The following ABHD12 variants were observed in gnomAD, a reference collection of about 807,000 sequenced individuals.
The protein encoded by ABHD12 is lysophosphatidylserine lipase ABHD12.
In ABHD12, 43 loss-of-function variants were observed where a neutral mutation model predicts 58.3. That is an observed-to-expected ratio of 0.74 (90% CI 0.58 to 0.95). The LOEUF is 0.95. Ranked by LOEUF, ABHD12 falls within the 40% of genes least tolerant of loss-of-function variation. The pLI is 0.00. For synonymous variants in ABHD12, 219 were observed against 211.2 expected (o/e 1.04, Z -0.32); for missense variants, 539 against 537.2 (o/e 1.00, Z -0.03).
intron 1 of ABHD12, among the ~76,000 whole-genome samples, chr20:25,365,052 CGTGA>C (rs777403123): frequency 3.5e-4 from 54 of 152,318 alleles, no homozygotes; most frequent in Admixed American, 3.3e-4. Context: ...ACCTATGCAA[CGTGA>C]GTAAGGCCTC....
intron 2 of ABHD12, among the ~76,000 whole-genome samples, chr20:25,324,425 G>A (rs2089138262): frequency 6.6e-6 from 1 of 152,132 alleles, no homozygotes; most frequent in Admixed American, 6.6e-5. Context: ...TTTAAAATAA[G>A]TTTAACTGAA....
intron 1 of ABHD12, among the ~76,000 whole-genome samples, chr20:25,386,096 G>A (rs147484172): frequency 0.034 from 5,190 of 150,872 alleles, 253 homozygotes; most frequent in African/African-American, 0.12. Flanking sequence ...GCGAGACTCC[G>A]TCTCAAAAAA....
At chr20:25,339,526 CAT>C in intron 1 of ABHD12, 175 bp from the exon 2 acceptor site, 1 of 1,391,560 alleles carries the variant, frequency 7.2e-7, no homozygotes. Flanking sequence ...AATTATTTTA[CAT>C]AGTCTTTTAA....
intron 2 of ABHD12, among the ~76,000 whole-genome samples, chr20:25,337,287 A>G (rs564823622): frequency 7.2e-5 from 11 of 152,244 alleles, no homozygotes; most frequent in Non-Finnish European, 1.5e-4. Flanking sequence ...AAACAACAAA[A>G]CAAAATGCCA....
At chr20:25,329,258 C>T (rs901591201) in intron 2 of ABHD12, among the ~76,000 whole-genome samples, 47 of 152,332 alleles carry the variant, frequency 3.1e-4, no homozygotes, top group African/African-American at 1.1e-3. Context: ...GTGGCCTGGG[C>T]GGTGCGCCCC....
chr20:25,320,699 T>A (rs1465578014), intron 3 of ABHD12, among the ~76,000 whole-genome samples: 3 of 152,246 alleles, frequency 2.0e-5, no homozygotes, highest in Non-Finnish European at 2.9e-5. Context: ...GTTAACCCCA[T>A]GCTTAAATTG....
chr20:25,302,277 C>G lies in ABHD12; in HGVS notation c.1099G>C (p.Asp367His), dbSNP rs747382300. Residue 367 changes from aspartate (D) to histidine (H), a missense_variant, in exon 12 of 13, where the codon GAC becomes CAC. By Grantham distance (81) the Asp-to-His change is moderately conservative. Transcript: ENST00000339157. The stretch of plus-strand genomic sequence containing the variant: ...ATGTATTTGTGCCTGTAGCCAAGGT[C>G]TGAATGAAAGGGCACAAACTGAACT... Reference protein sequence around the residue: ...FKVQFVPFHSDLGYRHKYIYK... With the variant: ...FKVQFVPFHSHLGYRHKYIYK... The G allele has an allele frequency of 6.2e-7, 1 of 1,613,734 alleles. No individual in the cohort carries two copies. The highest frequency in any genetic ancestry group is 8.5e-7 in the Non-Finnish European group (1 of 1,180,022).
intron 1 of ABHD12, among the ~76,000 whole-genome samples, chr20:25,373,593 A>G (rs1034791213): frequency 6.6e-6 from 1 of 151,652 alleles, no homozygotes; most frequent in Non-Finnish European, 1.5e-5. Context: ...CTGAATTCTT[A>G]CTTACTTTTC....
At chr20:25,331,564 G>A (rs1193241543) in intron 2 of ABHD12, among the ~76,000 whole-genome samples, 1 of 152,082 alleles carries the variant, frequency 6.6e-6, no homozygotes, top group Admixed American at 6.5e-5. Flanking sequence ...AGAAAGGTCA[G>A]GTTACCCTCA....
chr20:25,360,144 C>T (rs1401818781), intron 1 of ABHD12, among the ~76,000 whole-genome samples: 2 of 147,040 alleles, frequency 1.4e-5, no homozygotes, highest in Admixed American at 1.4e-4. Context: ...TATAGTGGGA[C>T]GTAGGATTCT....
At chr20:25,306,546 CA>C (rs1422277241) in intron 10 of ABHD12, among the ~76,000 whole-genome samples, 3 of 152,098 alleles carry the variant, frequency 2.0e-5, no homozygotes, top group Admixed American at 6.6e-5. Context: ...CATACCTGGT[CA>C]ATTTTTGGAT....
chr20:25,301,046 T>C (rs1450000340), intron 12 of ABHD12, among the ~76,000 whole-genome samples, 162 bp from the exon 13 acceptor site: 4 of 152,158 alleles, frequency 2.6e-5, no homozygotes, highest in African/African-American at 9.7e-5. Context: ...CTCAGTGAGT[T>C]AGGCAGGGAA....
At position 25,335,913 on chromosome 20, in the gene ABHD12, T is replaced by TA. The variant is rs564394426; in HGVS notation, c.316+3313dup. ...CATGGCACATGTATACATATGTAAC[T>TA]AACCTGCACATTGTGCACATGTACC... On this transcript the variant is annotated intron_variant, in intron 2 of 12. Coordinates refer to ENST00000339157, the MANE Select transcript of ABHD12 (RefSeq NM_001042472.3). Among the ~76,000 whole-genome samples, 10 of 151,144 alleles carry TA rather than the reference T, an allele frequency of 6.6e-5. No individual in the cohort carries two copies. In the East Asian group the frequency reaches 1.8e-3, roughly 27 times the overall value.
intron 1 of ABHD12, among the ~76,000 whole-genome samples, chr20:25,359,657 T>A (rs146111420): frequency 6.6e-6 from 1 of 151,458 alleles, no homozygotes; most frequent in African/African-American, 2.4e-5. Context: ...GCAACCTCCA[T>A]CTCCCAGGTT....
chr20:25,342,844 T>A (rs996168284), intron 1 of ABHD12, among the ~76,000 whole-genome samples: 2 of 152,174 alleles, frequency 1.3e-5, no homozygotes, highest in Non-Finnish European at 2.9e-5. Context: ...CATCTTGGCC[T>A]TCCAAAGGGT....
At chr20:25,296,237 GTCC>G, downstream of ABHD12, 1 of 1,095,790 alleles carries the variant, frequency 9.1e-7, no homozygotes, top group Non-Finnish European at 1.3e-6. Flanking sequence ...TGATTGTAAT[GTCC>G]TCCTCTTCCA....
chr20:25,299,660 GGTTCCTAT>G (rs2088602439), downstream of ABHD12, among the ~76,000 whole-genome samples: 2 of 152,144 alleles, frequency 1.3e-5, no homozygotes, highest in African/African-American at 4.8e-5. Context: ...CTCCCCTAGG[GGTTCCTAT>G]AGCCTCACAA....
intron 1 of ABHD12, among the ~76,000 whole-genome samples, chr20:25,371,372 G>T (rs2089898170): frequency 6.6e-6 from 1 of 152,106 alleles, no homozygotes; most frequent in South Asian, 2.1e-4. Flanking sequence ...AGGCTCTAAT[G>T]CACAGAAATG....
rs111392561 is a variant in ABHD12 at position 25,302,005 on chromosome 20, G to A, written c.1157+214C>T. Among the ~76,000 whole-genome samples, 1,911 of 152,322 alleles carry A rather than the reference G, an allele frequency of 0.013. 44 individuals are homozygous for A. The highest frequency in any genetic ancestry group is 0.041 in the African/African-American group (1,700 of 41,568). The stretch of plus-strand genomic sequence containing the variant: ...TGTACATCCTTTACAACATGGAGGC[G>A]GCTCACCCTGCATGATCATGTGAAC... On this transcript the variant is annotated intron_variant, in intron 12 of 12. Coordinates refer to ENST00000339157, the MANE Select transcript of ABHD12 (RefSeq NM_001042472.3).
Sources: gnomAD v4.1 joint callset for allele counts (sites outside exome capture counted in the v4.1 genomes callset) on GRCh38, gnomAD v4.1.1 for gene constraint, MANE v1.5 for transcripts, NCBI Gene and HGNC (gene_info 2026-07-23, HGNC 2026-07-21) for gene names.